CCDC102B: variants seen among roughly 807,000 people sequenced by gnomAD.
The protein encoded by CCDC102B is coiled-coil domain containing 102B.
In CCDC102B, 75 loss-of-function variants were observed where a neutral mutation model predicts 57.4. That is an observed-to-expected ratio of 1.31 (90% CI 1.08 to 1.58). The LOEUF (loss-of-function observed/expected upper bound fraction) is 1.58, where lower values mean the gene tolerates loss of function less well. CCDC102B is among the 40% of genes most tolerant of loss of function. CCDC102B has a pLI of 0.00. For missense variants in CCDC102B, 636 were observed against 582.6 expected (o/e 1.09, Z -0.94); for synonymous variants, 206 against 201.9 (o/e 1.02, Z -0.17).
chr18:68,887,280 G>A (rs923527484), intron 5 of CCDC102B, among the ~76,000 whole-genome samples: 3 of 152,064 alleles, frequency 2.0e-5, no homozygotes, highest in Non-Finnish European at 2.9e-5. Flanking sequence ...AAAAACAAGC[G>A]TAATAGGAAG....
At chr18:68,790,864 A>G (rs901293170) in intron 2 of CCDC102B, among the ~76,000 whole-genome samples, 1 of 152,034 alleles carries the variant, frequency 6.6e-6, no homozygotes, top group African/African-American at 2.4e-5. Context: ...TGTTTTGGTA[A>G]CTTTTATTGT....
At chr18:68,972,632 A>C (rs1197282494) in intron 6 of CCDC102B, among the ~76,000 whole-genome samples, 1 of 152,144 alleles carries the variant, frequency 6.6e-6, no homozygotes, top group Non-Finnish European at 1.5e-5. Flanking sequence ...GATTTCAGTA[A>C]ATTGAATTTT....
At chr18:68,840,723 C>T (rs934223473) in intron 3 of CCDC102B, among the ~76,000 whole-genome samples, 4 of 152,100 alleles carry the variant, frequency 2.6e-5, no homozygotes, top group Non-Finnish European at 5.9e-5. Flanking sequence ...ATATTACTTC[C>T]CCAGTGCAGT....
In CCDC102B at chr18:69,054,832, T is replaced by A; in HGVS notation, c.*695T>A. 5.1e-6 allele frequency: 5 copies of A among 985,322 alleles called. No individual in the cohort carries two copies. Among genetic ancestry groups the A allele is most frequent in the Non-Finnish European group, 6.0e-6 (5 of 829,900 alleles). 61.0% of individuals were successfully genotyped at this position (985,322 alleles called of 1,614,324 possible). The stretch of plus-strand genomic sequence containing the variant: ...TCTACAGTAAAATCATGGAAAGGCA[T>A]CAGCATTGCAAAGTAGCATCTAGGT... On this transcript the variant is annotated 3_prime_UTR_variant, in exon 8 of 8. Coordinates refer to ENST00000360242, the MANE Select transcript of CCDC102B (RefSeq NM_024781.3).
Position 68,836,879 on chromosome 18 carries a change from C to A in CCDC102B, c.116C>A (p.Thr39Asn), listed in dbSNP as rs779662690. ...MVAPASPPRD[T>N]CNTCFPLHGL... ...GCACCTGCCTCACCCCCCAGGGATA[C>A]CTGTAATACCTGCTTCCCACTTCAT... Residue 39 changes from threonine to asparagine, a missense_variant, in exon 2 of 8, where the codon ACC becomes AAC. Thr to Asn is a moderately conservative substitution (Grantham distance 65). Transcript: ENST00000360242. The A allele has an allele frequency of 1.9e-6, 3 of 1,614,016 alleles. No individual in the cohort carries two copies. The highest frequency in any genetic ancestry group is 1.1e-5 in the South Asian group (1 of 91,086).
At position 69,054,538 on chromosome 18, in the gene CCDC102B, T is replaced by G; in HGVS notation, c.*401T>G. The G allele has an allele frequency of 1.0e-5, 10 of 990,666 alleles. No individual in the cohort carries two copies. Among genetic ancestry groups the G allele is most frequent in the Non-Finnish European group, 1.2e-5 (10 of 833,816 alleles). 61.4% of individuals were successfully genotyped at this position (990,666 alleles called of 1,614,324 possible). A position where few individuals can be genotyped will look rare whatever the true frequency, so the allele number is the denominator to read the frequency against. On this transcript the variant is annotated 3_prime_UTR_variant, in exon 8 of 8. Coordinates refer to ENST00000360242, the MANE Select transcript of CCDC102B (RefSeq NM_024781.3). ...ATAAAGTACTGGTTTGTTTAAATAA[T>G]TGGTAAACTTTTATGTACGTGTTGT... is the stretch of plus-strand genomic sequence containing the variant.
chr18:68,856,138 A>G (rs2038374917), intron 4 of CCDC102B, among the ~76,000 whole-genome samples: 1 of 152,308 alleles, frequency 6.6e-6, no homozygotes, highest in Middle Eastern at 3.4e-3. Context: ...CATAAAATAT[A>G]CCCAAACATG....
At chr18:68,724,587 T>G (rs1303042037) in intron 2 of CCDC102B, among the ~76,000 whole-genome samples, 1 of 152,206 alleles carries the variant, frequency 6.6e-6, no homozygotes, top group Non-Finnish European at 1.5e-5. Context: ...ATTACCTTTA[T>G]TCCAGTTCCC....
chr18:68,956,445 A>C (rs1288155811), intron 6 of CCDC102B, among the ~76,000 whole-genome samples: 4 of 27,798 alleles, frequency 1.4e-4, no homozygotes, highest in African/African-American at 2.1e-4. Context: ...TATATATATT[A>C]TATATATTAT....
chr18:68,896,519 C>G (rs1368837274), intron 5 of CCDC102B, among the ~76,000 whole-genome samples: 2 of 151,904 alleles, frequency 1.3e-5, no homozygotes, highest in African/African-American at 2.4e-5. Flanking sequence ...TATGGTCTCT[C>G]TCTCAACAGC....
intron 5 of CCDC102B, among the ~76,000 whole-genome samples, chr18:68,896,162 C>G (rs1707053826): frequency 6.6e-6 from 1 of 151,908 alleles, no homozygotes. Context: ...GACAAAAAAG[C>G]TACTATTCAC....
In CCDC102B at chr18:68,880,289, G is replaced by A. The variant is rs549483159; in HGVS notation, c.1053+5504G>A. 8.5e-5 allele frequency among the ~76,000 whole-genome samples: 13 copies of A among 152,338 alleles called. No individual in the cohort carries two copies. The South Asian group carries it at 2.3e-3, about 27-fold the overall frequency. ...CGGCAGGGCTGGCCAGCTGCTCCGA[G>A]TGCGGGGCCCACCAAGCCCATGCCC... On this transcript the variant is annotated intron_variant, in intron 5 of 7. Coordinates refer to ENST00000360242, the MANE Select transcript of CCDC102B (RefSeq NM_024781.3).
chr18:68,772,526 G>GCCCAA lies in CCDC102B; in HGVS notation c.-66-50840_-66-50839insCCCAA, dbSNP rs879282862. ...TATGGCCAACTTTCTGTTTTGCTTT[G>GCCCAA]AACTTTACAGGTTTGGGCAAAATCT... On this transcript the variant is annotated intron_variant, in intron 2 of 3. Transcript: ENST00000578970. Among the ~76,000 whole-genome samples, 368 of 152,162 alleles carry GCCCAA rather than the reference G, an allele frequency of 2.4e-3. 2 individuals are homozygous for GCCCAA. The highest frequency in any genetic ancestry group is 8.4e-3 in the African/African-American group (348 of 41,532).
intron 2 of CCDC102B, among the ~76,000 whole-genome samples, chr18:68,777,664 T>C (rs1384002269): frequency 6.6e-6 from 1 of 152,154 alleles, no homozygotes; most frequent in Non-Finnish European, 1.5e-5. Context: ...AATTTTAAAA[T>C]TGGTATAAAT....
chr18:69,031,719 A>G (rs1568137222), intron 7 of CCDC102B, among the ~76,000 whole-genome samples: 1 of 152,080 alleles, frequency 6.6e-6, no homozygotes. Flanking sequence ...CCCTTTGTGG[A>G]AGAAGATTTC....
intron 2 of CCDC102B, among the ~76,000 whole-genome samples, chr18:68,837,997 A>G (rs778516469): frequency 1.2e-4 from 18 of 152,340 alleles, no homozygotes; most frequent in South Asian, 2.1e-4. Context: ...GTGAAGTATC[A>G]TCGAGATTTT....
intron 2 of CCDC102B, among the ~76,000 whole-genome samples, chr18:68,726,564 TAAAC>T (rs2032604831): frequency 6.6e-6 from 1 of 152,210 alleles, no homozygotes; most frequent in African/African-American, 2.4e-5. Context: ...AATAGACTAT[TAAAC>T]AAGCTAAAGG....
intron 4 of CCDC102B, among the ~76,000 whole-genome samples, chr18:68,854,590 A>G (rs763266286): frequency 2.6e-4 from 40 of 152,350 alleles, no homozygotes; most frequent in Middle Eastern, 3.4e-3. Context: ...TGCCAGGTGC[A>G]GAAGTGATTA....
chr18:68,948,771 A>C (rs2049610772), intron 6 of CCDC102B, among the ~76,000 whole-genome samples: 1 of 152,142 alleles, frequency 6.6e-6, no homozygotes, highest in African/African-American at 2.4e-5. Context: ...ACCTGGCCAT[A>C]CACTAGTGGT....
Sources: allele counts gnomAD v4.1 joint callset (sites outside exome capture counted in the v4.1 genomes callset), GRCh38; gene constraint gnomAD v4.1.1; transcripts MANE v1.5; gene names NCBI Gene and HGNC (gene_info 2026-07-23, HGNC 2026-07-21).